The following PACRG variants were observed in gnomAD, a reference collection of about 807,000 sequenced individuals.
The protein encoded by PACRG is parkin coregulated gene protein.
Under a neutral mutation model 29.7 loss-of-function variants are expected in PACRG, and 29 were observed. The ratio of observed to expected loss-of-function variants is 0.98; its 90% CI spans 0.73 to 1.33. The LOEUF is 1.33. Ranked by LOEUF, PACRG falls within the 40% of genes most tolerant of loss-of-function variation. The pLI, the probability that PACRG is intolerant of heterozygous loss-of-function variation, is 0.00. For synonymous variants in PACRG, 116 were observed against 118.7 expected (o/e 0.98, Z 0.15); for missense variants, 279 against 316.2 (o/e 0.88, Z 0.89).
At chr6:162,912,572 CTT>C (rs745997012) in intron 2 of PACRG, among the ~76,000 whole-genome samples, 29 of 137,004 alleles carry the variant, frequency 2.1e-4, no homozygotes, top group Admixed American at 2.2e-4. Context: ...ATATTATATT[CTT>C]TTTTTTTTTT....
At chr6:162,792,739 T>G (rs965186791) in intron 1 of PACRG, among the ~76,000 whole-genome samples, 5 of 152,118 alleles carry the variant, frequency 3.3e-5, no homozygotes, top group African/African-American at 4.8e-5. Context: ...AAAGGCAATC[T>G]GAGACAGGGA....
chr6:162,757,668 C>T lies in PACRG; in HGVS notation c.156+29277C>T, dbSNP rs112225364. On this transcript the variant is annotated intron_variant, in intron 1 of 4. Transcript: ENST00000366888. Reference sequence around the variant, plus strand: ...GTTTCAGTGAGCTGAGATGGTGCCACTGCACTCCAGCCTGGATGGCAGAGC... The same window carrying T: ...GTTTCAGTGAGCTGAGATGGTGCCATTGCACTCCAGCCTGGATGGCAGAGC... 1.1e-4 allele frequency among the ~76,000 whole-genome samples: 17 copies of T among 152,140 alleles called. No individual in the cohort carries two copies. In the South Asian group the frequency reaches 1.7e-3, roughly 15 times the overall value.
At chr6:163,189,378 G>A (rs1365107504) in intron 4 of PACRG, 1 of 152,206 alleles carries the variant, frequency 6.6e-6, no homozygotes, top group Non-Finnish European at 1.5e-5. Flanking sequence ...TAAAAAAAGA[G>A]AGAATTATCT....
At chr6:162,769,061 C>T (rs1219207606) in intron 1 of PACRG, among the ~76,000 whole-genome samples, 1 of 152,110 alleles carries the variant, frequency 6.6e-6, no homozygotes, top group Non-Finnish European at 1.5e-5. Context: ...CTTTTCCCAC[C>T]ATGGTAAATG....
chr6:163,224,177 T>C (rs1002971576), intron 4 of PACRG, among the ~76,000 whole-genome samples: 1 of 151,780 alleles, frequency 6.6e-6, no homozygotes, highest in Non-Finnish European at 1.5e-5. Flanking sequence ...AAGACCAGCC[T>C]GGCCAATATG....
chr6:162,748,276 AGGTCAGGAGTTTGAAACCAGTCT>A (rs1781242236), intron 1 of PACRG, among the ~76,000 whole-genome samples: 1 of 152,174 alleles, frequency 6.6e-6, no homozygotes, highest in Admixed American at 6.5e-5. Context: ...AGATCACCTG[AGGTCAGGAGTTTGAAACCAGTCT>A]GGCCATCGTG....
At chr6:162,779,597 A>G (rs111709628) in intron 1 of PACRG, among the ~76,000 whole-genome samples, 4 of 152,294 alleles carry the variant, frequency 2.6e-5, no homozygotes, top group African/African-American at 9.6e-5. Flanking sequence ...ATTTTAAACC[A>G]TCTAACAATG....
intron 2 of PACRG, among the ~76,000 whole-genome samples, chr6:162,822,906 T>C (rs1787962525): frequency 6.6e-6 from 1 of 152,268 alleles, no homozygotes; most frequent in African/African-American, 2.4e-5. Context: ...ATAACATATA[T>C]GTATATGTAT....
intron 2 of PACRG, among the ~76,000 whole-genome samples, chr6:162,830,348 C>T (rs531317377): frequency 6.6e-6 from 1 of 152,302 alleles, no homozygotes; most frequent in South Asian, 2.1e-4. Context: ...CCCCTACCCA[C>T]TCACCCACAT....
At chr6:162,843,522 A>G (rs1790009657) in intron 2 of PACRG, among the ~76,000 whole-genome samples, 5 of 59,986 alleles carry the variant, frequency 8.3e-5, no homozygotes, top group African/African-American at 2.7e-4. Context: ...AAAGTTTTCA[A>G]CTTCTTTGCC....
At chr6:162,915,354 A>C in intron 2 of PACRG, among the ~76,000 whole-genome samples, 1 of 152,056 alleles carries the variant, frequency 6.6e-6, no homozygotes, top group Non-Finnish European at 1.5e-5. Context: ...TAGGAGGCAA[A>C]TTCAAGGATA....
At chr6:163,256,931 G>A (rs1449583298) in intron 4 of PACRG, among the ~76,000 whole-genome samples, 1 of 152,158 alleles carries the variant, frequency 6.6e-6, no homozygotes, top group Non-Finnish European at 1.5e-5. Context: ...AAGGCAGGGG[G>A]AACCCTGGAT....
chr6:163,122,667 T>C (rs536980), intron 4 of PACRG, among the ~76,000 whole-genome samples: 33,682 of 152,214 alleles, frequency 0.22, 4,438 homozygotes, highest in South Asian at 0.32. Flanking sequence ...CTGTGTAGCC[T>C]GCAGAATCGG....
chr6:163,262,748 A>C (rs1344519687), intron 4 of PACRG, among the ~76,000 whole-genome samples: 1 of 151,968 alleles, frequency 6.6e-6, no homozygotes, highest in Non-Finnish European at 1.5e-5. Flanking sequence ...GCTTGCACAA[A>C]ATACAAATTT....
chr6:162,798,650 G>A (rs1441093935), intron 1 of PACRG, among the ~76,000 whole-genome samples: 2 of 152,118 alleles, frequency 1.3e-5, no homozygotes, highest in Non-Finnish European at 2.9e-5. Flanking sequence ...GTACTTGTTA[G>A]GTACCAAGGC....
At chr6:162,819,368 T>A (rs1013680292) in intron 2 of PACRG, among the ~76,000 whole-genome samples, 1 of 152,228 alleles carries the variant, frequency 6.6e-6, no homozygotes, top group Non-Finnish European at 1.5e-5. Flanking sequence ...ATTAATCAGG[T>A]AACTATACAC....
At chr6:162,944,742 C>T (rs1478263248) in intron 2 of PACRG, among the ~76,000 whole-genome samples, 2 of 151,548 alleles carry the variant, frequency 1.3e-5, no homozygotes, top group Non-Finnish European at 2.9e-5. Flanking sequence ...ATTTCAAAAT[C>T]GGGAGACAGG....
chr6:162,735,620 T>C (rs951836068), intron 1 of PACRG, among the ~76,000 whole-genome samples: 2 of 152,202 alleles, frequency 1.3e-5, no homozygotes, highest in African/African-American at 4.8e-5. Context: ...AGTACTTTTT[T>C]CCATCTATAT....
At chr6:162,897,877 G>A (rs921876920) in intron 2 of PACRG, among the ~76,000 whole-genome samples, 4 of 152,292 alleles carry the variant, frequency 2.6e-5, no homozygotes, top group Admixed American at 6.5e-5. Context: ...GTGCTTCTGC[G>A]GGAGGCAGGG....
Sources: gnomAD v4.1 joint callset for allele counts (sites outside exome capture counted in the v4.1 genomes callset) on GRCh38, gnomAD v4.1.1 for gene constraint, MANE v1.5 for transcripts, NCBI Gene and HGNC (gene_info 2026-07-23, HGNC 2026-07-21) for gene names.